Variants in TAF4B observed in about 807,000 individuals in gnomAD.
TAF4B encodes TATA-box binding protein associated factor 4b, also known as transcription initiation factor TFIID subunit 4B.
Under a neutral mutation model 86.4 loss-of-function variants are expected in TAF4B, and 38 were observed. The observed-to-expected ratio is 0.44, with a 90% CI of 0.34 to 0.58. The LOEUF (loss-of-function observed/expected upper bound fraction) is 0.58. Among genes scored for constraint, TAF4B ranks in the 20% least tolerant of loss-of-function variants. The pLI is 0.02. For synonymous variants in TAF4B, 388 were observed against 391.2 expected (o/e 0.99, Z 0.10); for missense variants, 988 against 1,027.6 (o/e 0.96, Z 0.53).
At chr18:26,340,487 A>G (rs1395559285) in intron 13 of TAF4B, among the ~76,000 whole-genome samples, 1 of 152,190 alleles carries the variant, frequency 6.6e-6, no homozygotes, top group African/African-American at 2.4e-5. Flanking sequence ...GTTATAAATA[A>G]CTTGTGTATG....
At chr18:26,310,757 C>G (rs2056846434) in intron 9 of TAF4B, among the ~76,000 whole-genome samples, 1 of 152,116 alleles carries the variant, frequency 6.6e-6, no homozygotes, top group Non-Finnish European at 1.5e-5. Flanking sequence ...TTTATCCCCC[C>G]TATTACCCAG....
chr18:26,296,417 C>T (rs2144621893), intron 9 of TAF4B, among the ~76,000 whole-genome samples: 1 of 152,026 alleles, frequency 6.6e-6, no homozygotes, highest in African/African-American at 2.4e-5. Flanking sequence ...CTGGCTCTGC[C>T]CTGTCTCTCT....
Position 26,285,852 on chromosome 18 carries a change from G to A in TAF4B, c.973-30G>A, listed in dbSNP as rs748824837. The stretch of plus-strand genomic sequence containing the variant: ...TTCACAAGTAGCTGATTTGTTAGCA[G>A]TGTTTTTTTCCATTCCTCTGCATTT... On this transcript the variant is annotated intron_variant, in intron 6 of 14. Transcript: ENST00000269142. 4 of 1,577,970 alleles carry A rather than the reference G, an allele frequency of 2.5e-6. No individual in the cohort carries two copies. In the Admixed American group the frequency reaches 5.4e-5, roughly 21 times the overall value.
intron 14 of TAF4B, among the ~76,000 whole-genome samples, chr18:26,367,927 C>T (rs2057382208): frequency 6.6e-6 from 1 of 152,124 alleles, no homozygotes; most frequent in Non-Finnish European, 1.5e-5. Context: ...GCCTATTTTT[C>T]CATTTTCTTG....
chr18:26,389,075 G>GT (rs1398217773), intron 14 of TAF4B, among the ~76,000 whole-genome samples: 3 of 150,558 alleles, frequency 2.0e-5, no homozygotes, highest in African/African-American at 7.3e-5. Flanking sequence ...GCCTCCCAAA[G>GT]TGCTGGGATT....
At position 26,293,471 on chromosome 18, in the gene TAF4B, C is replaced by T. The variant is rs776819395; in HGVS notation, c.1772C>T (p.Ser591Leu). 17 of 1,596,776 alleles carry T rather than the reference C, an allele frequency of 1.1e-5. No individual in the cohort carries two copies. The Admixed American group carries it at 2.9e-4, about 27-fold the overall frequency. ...QITLPGNKILSLQASPTQKNR... is the reference protein window; with the variant it reads ...QITLPGNKILLLQASPTQKNR... ...ACTCTGCCTGGAAATAAAATTCTGT[C>T]ACTTCAAGCATCTCCTACTCAGAAA... is the stretch of plus-strand genomic sequence containing the variant. Residue 591 changes from serine to leucine, a missense_variant, in exon 9 of 15, where the codon TCA becomes TTA. This residue lies in a region of TAF4B where 747 missense variants were observed against 737.9 expected (regional missense o/e 1.01). Coordinates refer to ENST00000269142, the MANE Select transcript of TAF4B (RefSeq NM_005640.3).
chr18:26,294,222 T>A (rs1203887830), intron 9 of TAF4B, among the ~76,000 whole-genome samples: 1 of 152,154 alleles, frequency 6.6e-6, no homozygotes, highest in Non-Finnish European at 1.5e-5. Context: ...CAGTATCATT[T>A]TGCATTTCTG....
intron 9 of TAF4B, among the ~76,000 whole-genome samples, chr18:26,299,736 A>G (rs1271672832): frequency 6.6e-6 from 1 of 152,118 alleles, no homozygotes; most frequent in Non-Finnish European, 1.5e-5. Flanking sequence ...TTTCATTTTA[A>G]TGCCAATTTC....
chr18:26,275,020 G>A lies in TAF4B; in HGVS notation c.849G>A (p.Gly283=), dbSNP rs780122671. The change falls in exon 5 of 15, where the codon GGG becomes GGA. Residue 283 remains glycine, a synonymous_variant. Transcript: ENST00000269142. ...ACSGSQSPEM[G]QNVKKLVEQL... ...GTGGATCACAGTCCCCAGAAATGGG[G>A]CAAAATGTGAAGAAGCTGGTGGAAC... 2.5e-6 allele frequency: 4 copies of A among 1,611,214 alleles called. No homozygotes were observed. The highest frequency in any genetic ancestry group is 3.4e-6 in the Non-Finnish European group (4 of 1,179,618).
chr18:26,274,741 A>T lies in TAF4B; in HGVS notation c.676A>T (p.Ser226Cys). 1 of 1,614,176 alleles carries T rather than the reference A, an allele frequency of 6.2e-7. No homozygotes were observed. The highest frequency in any genetic ancestry group is 8.5e-7 in the Non-Finnish European group (1 of 1,180,016). The change falls in exon 4 of 15, where the codon AGT becomes TGT. Residue 226 changes from serine (S) to cysteine (C), a missense_variant. Ser to Cys is a moderately radical substitution (Grantham distance 112). Around this residue, in one of 3 missense-constraint regions of TAF4B, gnomAD observed 747 missense variants for 737.9 expected, o/e 1.01. Transcript: ENST00000269142. ...LNTVTTLKPS[S>C]LGASSTPSNE... Reference sequence around the variant, plus strand: ...TACTGTAACTACCCTGAAGCCTTCAAGTTTGGGAGCATCATCCACTCCTTC... The same window carrying T: ...TACTGTAACTACCCTGAAGCCTTCATGTTTGGGAGCATCATCCACTCCTTC...
Position 26,267,529 on chromosome 18 carries a change from A to G in TAF4B, c.503A>G (p.Gln168Arg). The G allele has an allele frequency of 6.2e-7, 1 of 1,614,044 alleles. No homozygotes were observed. Among genetic ancestry groups the G allele is most frequent in the Non-Finnish European group, 8.5e-7 (1 of 1,179,882 alleles). ...KICTVPNSSS[Q>R]LIKKVAVTPV... The stretch of plus-strand genomic sequence containing the variant: ...TCCACCGCCAAGAACTCTAGCTCAC[A>G]ATTAATCAAGAAAGTGGCAGTGACA... The change falls in exon 3 of 15, where the codon CAA (glutamine) becomes CGA (arginine). Residue 168 changes from glutamine (Q) to arginine (R), a missense_variant. By Grantham distance (43) the Gln-to-Arg change is conservative (BLOSUM62 1). Coordinates refer to ENST00000269142, the MANE Select transcript of TAF4B (RefSeq NM_005640.3).
intron 14 of TAF4B, among the ~76,000 whole-genome samples, chr18:26,358,330 T>C (rs973261354): frequency 7.9e-5 from 12 of 152,332 alleles, no homozygotes; most frequent in Admixed American, 2.6e-4. Flanking sequence ...CCCCATAGAA[T>C]AGGCACATGT....
chr18:26,227,399 C>T (rs750681159), intron 1 of TAF4B, 123 bp downstream of exon 1: 14 of 828,802 alleles, frequency 1.7e-5, no homozygotes, highest in Non-Finnish European at 2.7e-5. Context: ...CTTGACTTTA[C>T]AGTTAACATA....
At chr18:26,326,490 A>G (rs1171183848) in intron 11 of TAF4B, among the ~76,000 whole-genome samples, 2 of 152,354 alleles carry the variant, frequency 1.3e-5, no homozygotes, top group East Asian at 3.9e-4. Context: ...ATATTTTGAT[A>G]GAAGTTATAT....
intron 1 of TAF4B, among the ~76,000 whole-genome samples, chr18:26,247,797 A>C (rs907332441): frequency 6.6e-6 from 1 of 152,146 alleles, no homozygotes; most frequent in Admixed American, 6.5e-5. Context: ...CACGAGAATC[A>C]CTTGAGCCCA....
chr18:26,352,279 C>G (rs1336932571), intron 13 of TAF4B, among the ~76,000 whole-genome samples: 1 of 151,794 alleles, frequency 6.6e-6, no homozygotes, highest in East Asian at 1.9e-4. Context: ...CAACTCAAAT[C>G]ACAGGTAATG....
chr18:26,344,951 A>G (rs1323000137), intron 13 of TAF4B, among the ~76,000 whole-genome samples: 2 of 152,180 alleles, frequency 1.3e-5, no homozygotes, highest in African/African-American at 2.4e-5. Flanking sequence ...ATTGCAGGGA[A>G]AAGGCAATCA....
chr18:26,265,338 C>T, intron 2 of TAF4B, 23 bp downstream of exon 2: 2 of 1,569,306 alleles, frequency 1.3e-6, no homozygotes, highest in East Asian at 2.3e-5. Flanking sequence ...AAATATTTTT[C>T]ATCTTTCTTT....
intron 12 of TAF4B, among the ~76,000 whole-genome samples, chr18:26,327,668 T>A (rs549868782): frequency 2.8e-4 from 43 of 152,308 alleles, no homozygotes; most frequent in Middle Eastern, 6.8e-3. Context: ...CCTCCTGGGT[T>A]TAAGCAGTTC....
Sources: allele counts gnomAD v4.1 joint callset (sites outside exome capture counted in the v4.1 genomes callset), GRCh38; gene constraint gnomAD v4.1.1; regional missense constraint gnomAD v4.1.1; transcripts MANE v1.5; gene names NCBI Gene and HGNC (gene_info 2026-07-23, HGNC 2026-07-21).